The following RBFOX1 variants were observed in gnomAD, a reference collection of about 807,000 sequenced individuals.
The protein encoded by RBFOX1 is RNA binding fox-1 homolog 1.
A neutral mutation model predicts 57.7 loss-of-function variants in RBFOX1; 8 were observed. That is an observed-to-expected ratio of 0.14 (90% confidence interval 0.08 to 0.25). The LOEUF (loss-of-function observed/expected upper bound fraction) is 0.25. Ranked by LOEUF, RBFOX1 falls within the 10% of genes least tolerant of loss-of-function variation. The pLI is 1.00. For missense variants in RBFOX1, 611 were observed against 548.5 expected (o/e 1.11, Z -1.14); for synonymous variants, 326 against 222.4 (o/e 1.47, Z -4.15).
At chr16:5,437,785 C>T (rs187371876) in intron 1 of RBFOX1, among the ~76,000 whole-genome samples, 1 of 152,166 alleles carries the variant, frequency 6.6e-6, no homozygotes, top group African/African-American at 2.4e-5. Flanking sequence ...ATTTCTTATA[C>T]TCTGTATTTT....
At chr16:6,828,553 T>C (rs1427607370) in intron 3 of RBFOX1, among the ~76,000 whole-genome samples, 1 of 151,530 alleles carries the variant, frequency 6.6e-6, no homozygotes, top group Non-Finnish European at 1.5e-5. Context: ...AGCAGTTTCA[T>C]ATGACTAGAG....
intron 3 of RBFOX1, among the ~76,000 whole-genome samples, chr16:6,995,311 TGTGTGTGTGTG>T (rs2092092944): frequency 6.6e-6 from 1 of 151,518 alleles, no homozygotes; most frequent in East Asian, 1.9e-4. Flanking sequence ...TGTGTGTGTG[TGTGTGTGTGTG>T]TGTGTGTGTT....
rs553578506 is a variant in RBFOX1 at position 5,371,050 on chromosome 16, C to T, written c.220-96166C>T. ...GCAACCTCTGCCTCCCGGGTTCAGG[C>T]GATTCTCCTGCCTTAGCCTCCCAAG... On this transcript the variant is annotated intron_variant, in intron 1 of 2. Transcript: ENST00000585867. 3.3e-5 allele frequency among the ~76,000 whole-genome samples: 5 copies of T among 152,114 alleles called. No homozygotes were observed. In the East Asian group the frequency reaches 7.8e-4, roughly 24 times the overall value.
chr16:5,884,456 T>TCCC (rs1273071100), intron 4 of RBFOX1, among the ~76,000 whole-genome samples: 1 of 42,656 alleles, frequency 2.3e-5, no homozygotes, highest in Non-Finnish European at 5.4e-5. Context: ...CGCCCCCCGC[T>TCCC]CCCCACCACC....
At chr16:7,709,198 CAG>C in intron 15 of RBFOX1, 67 bp downstream of exon 15, 1 of 1,445,092 alleles carries the variant, frequency 6.9e-7, no homozygotes, top group Non-Finnish European at 9.6e-7. Context: ...GCTGGGACCT[CAG>C]TACGGGTTGA....
At position 5,500,784 on chromosome 16, in the gene RBFOX1, C is replaced by G. The variant is rs77609835; in HGVS notation, c.258+33530C>G. 8.0e-3 allele frequency among the ~76,000 whole-genome samples: 1,219 copies of G among 152,314 alleles called. 14 individuals are homozygous for G. The highest frequency in any genetic ancestry group is 0.043 in the East Asian group (222 of 5,176). ...AGCTTTTTGCGTGGTAACTTCACCA[C>G]ACAGTTGACTCAGAGGCTAACTGGT... is the stretch of plus-strand genomic sequence containing the variant. On this transcript the variant is annotated intron_variant, in intron 2 of 2. Coordinates refer to the RBFOX1 transcript ENST00000585867.
chr16:6,356,089 T>C (rs1044668384), intron 2 of RBFOX1, among the ~76,000 whole-genome samples: 2 of 152,224 alleles, frequency 1.3e-5, no homozygotes, highest in African/African-American at 4.8e-5. Flanking sequence ...GATAAATTAA[T>C]ACATGGAAGT....
intron 3 of RBFOX1, among the ~76,000 whole-genome samples, chr16:5,766,669 AT>A (rs2053791236): frequency 6.6e-6 from 1 of 151,936 alleles, no homozygotes. Context: ...GACATGAGGG[AT>A]CCCCCCCCAG....
At chr16:7,355,898 C>T (rs1205804738) in intron 4 of RBFOX1, among the ~76,000 whole-genome samples, 1 of 152,226 alleles carries the variant, frequency 6.6e-6, no homozygotes, top group East Asian at 1.9e-4. Flanking sequence ...TAGCTGCTGA[C>T]AGCCAAAGGC....
At chr16:6,985,670 A>G (rs963782603) in intron 3 of RBFOX1, among the ~76,000 whole-genome samples, 2 of 152,080 alleles carry the variant, frequency 1.3e-5, no homozygotes, top group Admixed American at 6.6e-5. Flanking sequence ...TCTACAAAAA[A>G]TACAAAAAAG....
intron 3 of RBFOX1, among the ~76,000 whole-genome samples, chr16:5,857,788 G>C (rs1408576069): frequency 6.6e-6 from 1 of 151,690 alleles, no homozygotes; most frequent in Non-Finnish European, 1.5e-5. Context: ...GAAAAGAACT[G>C]CACAAAACTT....
At chr16:6,750,068 T>G (rs2074619780) in intron 3 of RBFOX1, among the ~76,000 whole-genome samples, 2 of 152,162 alleles carry the variant, frequency 1.3e-5, no homozygotes, top group South Asian at 4.1e-4. Flanking sequence ...GGGCTAACAT[T>G]AAGATTTCAG....
chr16:5,827,846 C>T (rs1053934880), intron 3 of RBFOX1, among the ~76,000 whole-genome samples: 4 of 151,840 alleles, frequency 2.6e-5, no homozygotes, highest in African/African-American at 7.3e-5. Context: ...TCCATCCATC[C>T]ACCCACCCAC....
rs115381398 is a variant in RBFOX1, at chr16:5,341,820, C to T, written c.219+101715C>T. ...TTATGGAAGGGGAACACGGAGTTCT[C>T]TTCGGACCATGTTAAGTTTGAGGGG... On this transcript the variant is annotated intron_variant, in intron 1 of 2. Coordinates refer to the RBFOX1 transcript ENST00000585867. 3.5e-3 allele frequency among the ~76,000 whole-genome samples: 537 copies of T among 152,248 alleles called. 2 individuals are homozygous for T. The highest frequency in any genetic ancestry group is 0.012 in the African/African-American group (518 of 41,556).
At chr16:7,654,039 C>T (rs2302215) in intron 12 of RBFOX1, 92 bp downstream of exon 12, 719,279 of 1,359,396 alleles carry the variant, frequency 0.53, 192,866 homozygotes, top group Non-Finnish European at 0.55. Context: ...ATGGTCTTGA[C>T]TCCCCCTCCG....
At chr16:5,257,533 T>C (rs2062618277) in intron 1 of RBFOX1, among the ~76,000 whole-genome samples, 6 of 152,116 alleles carry the variant, frequency 3.9e-5, no homozygotes, top group Admixed American at 3.9e-4. Context: ...TTGGACCCAG[T>C]AGGGGCCTGC....
chr16:6,914,719 T>A (rs543960658), intron 3 of RBFOX1, among the ~76,000 whole-genome samples: 1 of 152,198 alleles, frequency 6.6e-6, no homozygotes, highest in South Asian at 2.1e-4. Context: ...ACCAATAAGC[T>A]GAAAATTAAC....
intron 4 of RBFOX1, among the ~76,000 whole-genome samples, chr16:5,895,070 C>G (rs2058131778): frequency 6.7e-6 from 1 of 150,188 alleles, no homozygotes. Flanking sequence ...TACACAAGTA[C>G]TGAACTCTGA....
intron 1 of RBFOX1, among the ~76,000 whole-genome samples, chr16:5,278,853 A>G (rs1355121964): frequency 6.6e-6 from 1 of 152,132 alleles, no homozygotes; most frequent in African/African-American, 2.4e-5. Flanking sequence ...GGTGTCCTTT[A>G]TTCAATGTAT....
Sources: allele counts gnomAD v4.1 joint callset (sites outside exome capture counted in the v4.1 genomes callset), GRCh38; gene constraint gnomAD v4.1.1; transcripts MANE v1.5; gene names NCBI Gene and HGNC (gene_info 2026-07-23, HGNC 2026-07-21).